The following PRUNE2 variants were observed in gnomAD, a reference collection of about 807,000 sequenced individuals.
PRUNE2 encodes the protein protein prune homolog 2.
Under a neutral mutation model 252.0 loss-of-function variants are expected in PRUNE2, and 164 were observed. The ratio of observed to expected loss-of-function variants is 0.65; its 90% confidence interval spans 0.57 to 0.74. The LOEUF (loss-of-function observed/expected upper bound fraction) is 0.74. PRUNE2 is among the 30% of genes least tolerant of loss of function. The probability of loss-of-function intolerance (pLI) is 0.00; values close to 1 mark genes in which losing one functional copy is unlikely to be tolerated. For synonymous variants in PRUNE2, 1,292 were observed against 1,350.2 expected (o/e 0.96, Z 0.94); for missense variants, 3,495 against 3,711.0 (o/e 0.94, Z 1.51).
At chr9:76,635,795 G>A (rs1169302325) in intron 15 of PRUNE2, among the ~76,000 whole-genome samples, 1 of 152,124 alleles carries the variant, frequency 6.6e-6, no homozygotes, top group Non-Finnish European at 1.5e-5. Flanking sequence ...TGTTTTTAAA[G>A]CTATCTAGAA....
intron 9 of PRUNE2, among the ~76,000 whole-genome samples, chr9:76,682,875 TTACTC>T (rs2043623967): frequency 6.6e-6 from 1 of 152,212 alleles, no homozygotes; most frequent in African/African-American, 2.4e-5. Context: ...ATATAATAGA[TTACTC>T]TAAACTATAG....
intron 6 of PRUNE2, among the ~76,000 whole-genome samples, chr9:76,799,606 G>C (rs2056397152): frequency 6.6e-6 from 1 of 152,160 alleles, no homozygotes; most frequent in Non-Finnish European, 1.5e-5. Context: ...TCCAGAGAAA[G>C]AGCATGTGGT....
rs2060110873 is a variant in PRUNE2, at chr9:76,854,083, TA to T, written c.141+20del. ...ACATAATAATTCAAAATATAAGGAG[TA>T]TTACCCTTTTTTCCCTCACCTTGTC... On this transcript the variant is annotated intron_variant, in intron 2 of 18. Transcript: ENST00000376718. 1 of 1,190,494 alleles carries T rather than the reference TA, an allele frequency of 8.4e-7. No individual in the cohort carries two copies. Among genetic ancestry groups the T allele is most frequent in the Non-Finnish European group, 1.2e-6 (1 of 806,586 alleles). 73.7% of individuals were successfully genotyped at this position (1,190,494 alleles called of 1,614,324 possible).
At chr9:76,657,576 T>G (rs192845386) in intron 9 of PRUNE2, among the ~76,000 whole-genome samples, 1 of 152,344 alleles carries the variant, frequency 6.6e-6, no homozygotes, top group African/African-American at 2.4e-5. Flanking sequence ...ACAAGCTGAT[T>G]AACTCTGAGA....
intron 6 of PRUNE2, among the ~76,000 whole-genome samples, chr9:76,787,936 T>A (rs1295760628): frequency 6.6e-6 from 1 of 152,200 alleles, no homozygotes; most frequent in African/African-American, 2.4e-5. Flanking sequence ...CACATCTCCA[T>A]GGTCACCAAG....
intron 9 of PRUNE2, among the ~76,000 whole-genome samples, chr9:76,672,742 A>C (rs201646536): frequency 0.17 from 23,948 of 139,304 alleles, 2,592 homozygotes; most frequent in East Asian, 0.3. Context: ...ACTCAGGATT[A>C]AGAATCTCAC....
chr9:76,900,413 C>T (rs1266729707), intron 1 of PRUNE2, among the ~76,000 whole-genome samples: 1 of 152,118 alleles, frequency 6.6e-6, no homozygotes, highest in African/African-American at 2.4e-5. Context: ...GAAAGACTTC[C>T]TTTCCCTGGA....
At chr9:76,634,356 T>C (rs925869834) in intron 15 of PRUNE2, among the ~76,000 whole-genome samples, 1 of 152,200 alleles carries the variant, frequency 6.6e-6, no homozygotes, top group Admixed American at 6.5e-5. Flanking sequence ...TTAAACTACA[T>C]TTGGCTTGAG....
At chr9:76,785,318 C>T (rs1027683932) in intron 6 of PRUNE2, 2 of 152,148 alleles carry the variant, frequency 1.3e-5, no homozygotes, top group Non-Finnish European at 2.9e-5. Flanking sequence ...TCACATGAGA[C>T]AGCAAATACT....
rs1157510768 is a variant in PRUNE2, at chr9:76,710,276, A to G, written c.1998T>C (p.Asn666=). The G allele has an allele frequency of 1.9e-6, 3 of 1,613,860 alleles. No individual in the cohort carries two copies. Among genetic ancestry groups the G allele is most frequent in the African/African-American group, 1.3e-5 (1 of 74,902 alleles). Residue 666 remains asparagine, a synonymous_variant, in exon 8 of 19, where the codon AAT becomes AAC. Coordinates refer to ENST00000376718, the MANE Select transcript of PRUNE2 (RefSeq NM_015225.3). The stretch of plus-strand genomic sequence containing the variant: ...CACTGGAACTCCACGCATCTGCAAT[A>G]TTTTTGGAGTCAATTTCCAAACCAC... ...WWGGLEIDSK[N]IADAWSSSEQ... is the part of the protein sequence containing the mutation.
rs936810815 is a variant in PRUNE2 at position 76,832,189 on chromosome 9, C to T, written c.509-5457G>A. 2.6e-5 allele frequency among the ~76,000 whole-genome samples: 4 copies of T among 152,050 alleles called. No individual in the cohort carries two copies. In the East Asian group the frequency reaches 7.7e-4, roughly 29 times the overall value. On this transcript the variant is annotated intron_variant, in intron 4 of 18. Coordinates refer to ENST00000376718, the MANE Select transcript of PRUNE2 (RefSeq NM_015225.3). ...GTGGAAAATTTTAACACATCTCTCGCAGCAACTCTAAGAACCAGCAGGAAA... is the reference window on the plus strand; with the variant it reads ...GTGGAAAATTTTAACACATCTCTCGTAGCAACTCTAAGAACCAGCAGGAAA...
chr9:76,838,171 C>A (rs923032725), intron 4 of PRUNE2, among the ~76,000 whole-genome samples: 11 of 143,516 alleles, frequency 7.7e-5, no homozygotes, highest in African/African-American at 2.8e-4. Context: ...TTTTTTTTCT[C>A]TTTTATTATA....
Position 76,644,870 on chromosome 9 carries a change from G to GATT in PRUNE2, c.8596_8597insAAT (p.Glu2865_Ser2866insTer). ...CTCTTCGGCCGTATATTCTGGAATAGACTCTGACTCTTGGCCAGAATCTTT... is the reference window on the plus strand; with the variant it reads ...CTCTTCGGCCGTATATTCTGGAATAGATTACTCTGACTCTTGGCCAGAATCTTT... On this transcript the variant is annotated stop_gained, in exon 12 of 19. Coordinates refer to ENST00000376718, the MANE Select transcript of PRUNE2 (RefSeq NM_015225.3). LOFTEE classifies it high-confidence loss of function. 2.5e-6 allele frequency: 4 copies of GATT among 1,613,886 alleles called. No individual in the cohort carries two copies. The highest frequency in any genetic ancestry group is 3.4e-6 in the Non-Finnish European group (4 of 1,179,854).
intron 9 of PRUNE2, among the ~76,000 whole-genome samples, chr9:76,680,227 T>G (rs958326645): frequency 6.6e-6 from 1 of 152,118 alleles, no homozygotes; most frequent in Non-Finnish European, 1.5e-5. Context: ...AAAGATGATA[T>G]GCAAATGGCC....
intron 16 of PRUNE2, among the ~76,000 whole-genome samples, chr9:76,627,103 T>C (rs1171594082): frequency 2.7e-5 from 4 of 150,784 alleles, no homozygotes; most frequent in South Asian, 4.2e-4. Flanking sequence ...ATCTTTTTTT[T>C]TTCTTCTTCT....
intron 6 of PRUNE2, among the ~76,000 whole-genome samples, chr9:76,790,329 A>T (rs1210626280): frequency 3.3e-5 from 5 of 152,232 alleles, no homozygotes; most frequent in African/African-American, 1.2e-4. Flanking sequence ...ATTTAGTGAT[A>T]TGTCAATTAT....
At chr9:76,843,175 G>A (rs2059485512) in intron 4 of PRUNE2, among the ~76,000 whole-genome samples, 1 of 152,278 alleles carries the variant, frequency 6.6e-6, no homozygotes, top group African/African-American at 2.4e-5. Context: ...CCTTTGCAGG[G>A]ACACTGATGA....
chr9:76,892,326 G>A (rs2062534640), intron 1 of PRUNE2, among the ~76,000 whole-genome samples: 1 of 152,172 alleles, frequency 6.6e-6, no homozygotes, highest in Non-Finnish European at 1.5e-5. Context: ...TAACCTCTCT[G>A]AGTCTTGAAA....
At chr9:76,827,696 T>C (rs1302623073) in intron 4 of PRUNE2, among the ~76,000 whole-genome samples, 1 of 152,176 alleles carries the variant, frequency 6.6e-6, no homozygotes, top group Admixed American at 6.5e-5. Flanking sequence ...GGGAAAACTA[T>C]GGTACCCAAT....
Sources: gnomAD v4.1 joint callset for allele counts (sites outside exome capture counted in the v4.1 genomes callset) on GRCh38, gnomAD v4.1.1 for gene constraint, MANE v1.5 for transcripts, NCBI Gene and HGNC (gene_info 2026-07-23, HGNC 2026-07-21) for gene names.